ETV5: variants seen among roughly 807,000 people sequenced by gnomAD.
ETV5 encodes the protein ETS variant transcription factor 5, also known as ETS translocation variant 5.
In ETV5, 10 loss-of-function variants were observed where a neutral mutation model predicts 70.0. That is an observed-to-expected ratio of 0.14 (90% CI 0.09 to 0.24). ETV5 has a LOEUF of 0.24. Ranked by LOEUF, ETV5 falls within the 10% of genes least tolerant of loss-of-function variation. The pLI, the probability that ETV5 is intolerant of heterozygous loss-of-function variation, is 1.00. For missense variants in ETV5, 453 were observed against 651.2 expected (o/e 0.70, Z 3.31); for synonymous variants, 216 against 242.2 (o/e 0.89, Z 1.01).
In ETV5 at chr3:186,057,512, A is replaced by C. The variant is rs1487617261; in HGVS notation, c.971-21T>G. ...AAAACCTGAAAGAGAATTTAAAAGA[A>C]AGACTACGTTGCTTAACAAATTCTG... On this transcript the variant is annotated intron_variant, in intron 9 of 12. Coordinates refer to ENST00000306376, the MANE Select transcript of ETV5 (RefSeq NM_004454.3). The surrounding 1 kb of genome is among the most constrained non-coding windows in gnomAD (Gnocchi z 4.9). The C allele has an allele frequency of 6.3e-7, 1 of 1,588,052 alleles. No homozygotes were observed. Among genetic ancestry groups the C allele is most frequent in the East Asian group, 2.2e-5 (1 of 44,748 alleles).
At chr3:186,090,418 A>C (rs1714153961) in intron 5 of ETV5, among the ~76,000 whole-genome samples, 1 of 152,228 alleles carries the variant, frequency 6.6e-6, no homozygotes, top group Admixed American at 6.5e-5. Context: ...TACTTCCATC[A>C]ACCTGCCTGG....
intron 7 of ETV5, among the ~76,000 whole-genome samples, chr3:186,066,472 A>C (rs1201056957): frequency 1.3e-5 from 2 of 152,168 alleles, no homozygotes; most frequent in African/African-American, 4.8e-5. Flanking sequence ...GAATTTTTAA[A>C]GACTGAATAC....
At chr3:186,067,795 C>A (rs1421054849) in intron 7 of ETV5, among the ~76,000 whole-genome samples, 1 of 152,086 alleles carries the variant, frequency 6.6e-6, no homozygotes, top group Non-Finnish European at 1.5e-5. Context: ...AAAAGAAACA[C>A]ATCAAACCAG....
At chr3:186,089,919 G>T (rs1358074040) in intron 5 of ETV5, among the ~76,000 whole-genome samples, 1 of 152,198 alleles carries the variant, frequency 6.6e-6, no homozygotes, top group Non-Finnish European at 1.5e-5. Context: ...AGGCTATGTA[G>T]GAGAATGTCA....
Position 186,046,933 on chromosome 3 carries a change from T to C in ETV5, c.*1706A>G, listed in dbSNP as rs1712893854. The C allele has an allele frequency of 8.7e-6, 2 of 230,648 alleles. No homozygotes were observed. Among genetic ancestry groups the C allele is most frequent in the South Asian group, 3.6e-4 (2 of 5,492 alleles). 14.3% of individuals were successfully genotyped at this position (230,648 alleles called of 1,614,324 possible). A position where few individuals can be genotyped will look rare whatever the true frequency, so the allele number is the denominator to read the frequency against. On this transcript the variant is annotated 3_prime_UTR_variant, in exon 13 of 13. Transcript: ENST00000306376. ...AATAGAGGAGAATCTCATGTTTCCA[T>C]AGCTATAAAGTGCACCCCTTATCCC...
At chr3:186,104,488 G>A (rs1714540678) in intron 5 of ETV5, among the ~76,000 whole-genome samples, 1 of 152,176 alleles carries the variant, frequency 6.6e-6, no homozygotes, top group African/African-American at 2.4e-5. Context: ...ACCACCCCTT[G>A]TCAGCTTAGG....
At chr3:186,093,675 C>T (rs372938857) in intron 5 of ETV5, among the ~76,000 whole-genome samples, 3 of 152,168 alleles carry the variant, frequency 2.0e-5, no homozygotes, top group South Asian at 2.1e-4. Context: ...TCAGGTTGAC[C>T]GGCCCAAGTG....
chr3:186,084,489 A>G (rs1033632468), intron 5 of ETV5, among the ~76,000 whole-genome samples: 11 of 152,038 alleles, frequency 7.2e-5, no homozygotes, highest in Non-Finnish European at 5.9e-5. Flanking sequence ...TCATTCATTC[A>G]TTCATTCACA....
At chr3:186,102,956 C>G (rs1217152849) in intron 5 of ETV5, among the ~76,000 whole-genome samples, 2 of 152,144 alleles carry the variant, frequency 1.3e-5, no homozygotes, top group Non-Finnish European at 2.9e-5. Flanking sequence ...ATGAATGGCT[C>G]AAAGATGCAC....
chr3:186,079,417 G>A (rs1346296894), intron 7 of ETV5: 1 of 241,670 alleles, frequency 4.1e-6, no homozygotes, highest in Non-Finnish European at 8.0e-6. Context: ...ATCAGCAATT[G>A]TCCCTTATAT....
chr3:186,046,381 T>C lies in ETV5; in HGVS notation c.*2258A>G, dbSNP rs1247984323. On this transcript the variant is annotated 3_prime_UTR_variant, in exon 13 of 13. Coordinates refer to ENST00000306376, the MANE Select transcript of ETV5 (RefSeq NM_004454.3). ...CAGAATATAACGCAGCTTGGCAGGA[T>C]GCATACGGCCCTGCGCAGGGGAAAG... 4.4e-6 allele frequency: 1 copy of C among 227,056 alleles called. No homozygotes were observed. Among genetic ancestry groups the C allele is most frequent in the East Asian group, 6.3e-5 (1 of 15,862 alleles). 14.1% of individuals were successfully genotyped at this position (227,056 alleles called of 1,614,324 possible).
intron 5 of ETV5, among the ~76,000 whole-genome samples, chr3:186,090,080 G>A (rs1046080005): frequency 6.6e-6 from 1 of 152,118 alleles, no homozygotes; most frequent in Non-Finnish European, 1.5e-5. Context: ...CAGCTATTAT[G>A]TCCCATTTCC....
chr3:186,085,661 A>T (rs1197826954), intron 5 of ETV5, among the ~76,000 whole-genome samples: 1 of 151,918 alleles, frequency 6.6e-6, no homozygotes, highest in African/African-American at 2.4e-5. Context: ...GGCATGCACC[A>T]CCACTCCCGG....
rs568543900 is a variant in ETV5 at position 186,093,135 on chromosome 3, G to A, written c.233-11960C>T. On this transcript the variant is annotated intron_variant, in intron 5 of 12. Coordinates refer to ENST00000306376, the MANE Select transcript of ETV5 (RefSeq NM_004454.3). Reference sequence around the variant, plus strand: ...GCATATCAGCAATTCCAGCTTAGGGGACCCCCAGGTTGTAGCTTCTAGCAG... The same window carrying A: ...GCATATCAGCAATTCCAGCTTAGGGAACCCCCAGGTTGTAGCTTCTAGCAG... Among the ~76,000 whole-genome samples the A allele has an allele frequency of 2.6e-5, 4 of 152,188 alleles. No individual in the cohort carries two copies. The South Asian group carries it at 6.2e-4, about 24-fold the overall frequency.
Position 186,058,867 on chromosome 3 carries a change from G to C in ETV5, c.971-1376C>G, listed in dbSNP as rs576850576. Among the ~76,000 whole-genome samples, 11 of 152,036 alleles carry C rather than the reference G, an allele frequency of 7.2e-5. No homozygotes were observed. In the East Asian group the frequency reaches 2.1e-3, roughly 29 times the overall value. On this transcript the variant is annotated intron_variant, in intron 9 of 12. Coordinates refer to ENST00000306376, the MANE Select transcript of ETV5 (RefSeq NM_004454.3). Reference sequence around the variant, plus strand: ...TCTCTACTAAAAATACAAAAAATTAGCCGGGCATAGTGGTGGGCGCCTGTA... The same window carrying C: ...TCTCTACTAAAAATACAAAAAATTACCCGGGCATAGTGGTGGGCGCCTGTA...
At chr3:186,075,478 C>T (rs1047532898) in intron 7 of ETV5, among the ~76,000 whole-genome samples, 1 of 152,092 alleles carries the variant, frequency 6.6e-6, no homozygotes, top group Non-Finnish European at 1.5e-5. Context: ...AGAGGAAAAA[C>T]GAGTATATAA....
intron 5 of ETV5, among the ~76,000 whole-genome samples, chr3:186,098,065 AAG>A (rs1714354395): frequency 6.6e-6 from 1 of 152,208 alleles, no homozygotes. Context: ...GTGTTTACGT[AAG>A]AAATTCAGAC....
At chr3:186,083,040 T>C (rs1461040861) in intron 5 of ETV5, among the ~76,000 whole-genome samples, 1 of 152,268 alleles carries the variant, frequency 6.6e-6, no homozygotes, top group Non-Finnish European at 1.5e-5. Context: ...GGTGACATCA[T>C]GGCAGCCAAC....
intron 11 of ETV5, among the ~76,000 whole-genome samples, chr3:186,055,220 A>G (rs1713128366): frequency 6.6e-6 from 1 of 152,212 alleles, no homozygotes; most frequent in South Asian, 2.1e-4. Context: ...CAGTGGCAAT[A>G]AAATAATAAA....
Sources: gnomAD v4.1 joint callset for allele counts (sites outside exome capture counted in the v4.1 genomes callset) on GRCh38, gnomAD v4.1.1 for gene constraint, Gnocchi (gnomAD v3.1) non-coding constraint, MANE v1.5 for transcripts, NCBI Gene and HGNC (gene_info 2026-07-23, HGNC 2026-07-21) for gene names.